The following UBXN2B variants were observed in gnomAD, a reference collection of about 807,000 sequenced individuals.
UBXN2B encodes the protein UBX domain protein 2B, also known as UBX domain-containing protein 2B.
In UBXN2B, 19 loss-of-function variants were observed where a neutral mutation model predicts 37.5. That is an observed-to-expected ratio of 0.51 (90% confidence interval 0.35 to 0.74). UBXN2B has a LOEUF of 0.74. Ranked by LOEUF, UBXN2B falls within the 30% of genes least tolerant of loss-of-function variation. The pLI, the probability that UBXN2B is intolerant of heterozygous loss-of-function variation, is 0.01. For missense variants in UBXN2B, 370 were observed against 393.2 expected (o/e 0.94, Z 0.50); for synonymous variants, 145 against 143.8 (o/e 1.01, Z -0.06).
intron 6 of UBXN2B, 21 bp from the exon 7 acceptor site, chr8:58,445,886 T>C: frequency 6.4e-7 from 1 of 1,564,298 alleles, no homozygotes; most frequent in Non-Finnish European, 8.6e-7. Flanking sequence ...TTCAGATTTG[T>C]GTTTAATTCC....
intron 2 of UBXN2B, among the ~76,000 whole-genome samples, chr8:58,420,723 A>G (rs1807904201): frequency 1.3e-5 from 2 of 152,346 alleles, no homozygotes; most frequent in Admixed American, 6.5e-5. Flanking sequence ...TTAGTTTGAT[A>G]TACAGCAAAG....
At chr8:58,411,845 T>C (rs1290628018) in intron 1 of UBXN2B, among the ~76,000 whole-genome samples, 1 of 152,226 alleles carries the variant, frequency 6.6e-6, no homozygotes, top group Non-Finnish European at 1.5e-5. Context: ...TGAACAGTAA[T>C]GATACGTGAT....
At chr8:58,429,354 A>G (rs1031024174) in intron 2 of UBXN2B, among the ~76,000 whole-genome samples, 4 of 152,182 alleles carry the variant, frequency 2.6e-5, no homozygotes, top group African/African-American at 7.2e-5. Context: ...TTAAAAGCCA[A>G]CTAGGGCAGT....
intron 1 of UBXN2B, among the ~76,000 whole-genome samples, 177 bp downstream of exon 1, chr8:58,411,646 A>G (rs926171413): frequency 6.6e-6 from 1 of 152,216 alleles, no homozygotes; most frequent in African/African-American, 2.4e-5. Flanking sequence ...GGTGGTCGTG[A>G]ACACAAGTGC....
intron 2 of UBXN2B, among the ~76,000 whole-genome samples, chr8:58,424,063 G>C (rs1192171217): frequency 6.6e-6 from 1 of 151,832 alleles, no homozygotes; most frequent in South Asian, 2.1e-4. Flanking sequence ...ATTCTCATTT[G>C]GCCAAAAATA....
chr8:58,441,129 T>G (rs1808530122), intron 6 of UBXN2B, among the ~76,000 whole-genome samples: 1 of 151,688 alleles, frequency 6.6e-6, no homozygotes, highest in Non-Finnish European at 1.5e-5. Context: ...ACTGGGACTA[T>G]AGGCACTGCC....
At chr8:58,424,776 C>T (rs1045785069) in intron 2 of UBXN2B, 1 of 1,442,140 alleles carries the variant, frequency 6.9e-7, no homozygotes, top group African/African-American at 1.4e-5. Context: ...TGCTTTTCTG[C>T]TCTTCTTCAA....
At chr8:58,444,424 G>A (rs896963633) in intron 6 of UBXN2B, among the ~76,000 whole-genome samples, 6 of 152,202 alleles carry the variant, frequency 3.9e-5, no homozygotes, top group Admixed American at 2.0e-4. Context: ...AATAAGTGCA[G>A]AGTTGGGATT....
chr8:58,434,369 A>ATATT lies in UBXN2B; in HGVS notation c.424-25_424-24insATTT, dbSNP rs1554552288. The ATATT allele has an allele frequency of 3.9e-5, 12 of 307,046 alleles. No individual in the cohort carries two copies. The Middle Eastern group carries it at 4.8e-3, about 122-fold the overall frequency. The allele number at this position is 307,046 out of a possible 1,614,324, so 19.0% of individuals were successfully genotyped here. A position where few individuals can be genotyped will look rare whatever the true frequency, so the allele number is the denominator to read the frequency against. ...TGTGAATATATATATATATATATAT[A>ATATT]TTTTTTTTTTTTCTATACCCAAAAG... On this transcript the variant is annotated intron_variant, in intron 4 of 7. Coordinates refer to ENST00000399598, the MANE Select transcript of UBXN2B (RefSeq NM_001077619.2).
At chr8:58,416,339 CTTGTTTGTTCAGAAACTCAT>C (rs1339353784) in intron 1 of UBXN2B, among the ~76,000 whole-genome samples, 2 of 151,844 alleles carry the variant, frequency 1.3e-5, no homozygotes, top group African/African-American at 4.8e-5. Flanking sequence ...AATTTATGGT[CTTGTTTGTTCAGAAACTCAT>C]TTTCCTAAAC....
intron 5 of UBXN2B, 59 bp downstream of exon 5, chr8:58,434,563 G>T: frequency 8.1e-7 from 1 of 1,241,228 alleles, no homozygotes; most frequent in South Asian, 1.7e-5. Flanking sequence ...TTTCTTAACA[G>T]ACTACTCATT....
chr8:58,425,412 A>G, intron 2 of UBXN2B: 7 of 1,138,168 alleles, frequency 6.2e-6, no homozygotes, highest in Non-Finnish European at 9.4e-6. Context: ...TGGGCTTTGA[A>G]TTGTTACACT....
intron 1 of UBXN2B, among the ~76,000 whole-genome samples, chr8:58,413,888 A>G (rs1446497503): frequency 2.0e-5 from 3 of 152,224 alleles, no homozygotes; most frequent in Non-Finnish European, 2.9e-5. Context: ...AAACCTCACC[A>G]GTGTTCAATA....
rs1404347603 is a variant in UBXN2B at position 58,447,467 on chromosome 8, T to G, written c.912T>G (p.Phe304Leu). 2 of 1,613,564 alleles carry G rather than the reference T, an allele frequency of 1.2e-6. No homozygotes were observed. Among genetic ancestry groups the G allele is most frequent in the South Asian group, 2.2e-5 (2 of 91,016 alleles). The part of the protein sequence containing the change: ...AALDFILVTS[F>L]PNKELTDESL... ...TTGACTTTATTCTTGTGACTTCATT[T>G]CCGAATAAAGAGCTAACAGATGAAA... is the stretch of plus-strand genomic sequence containing the variant. The change falls in exon 8 of 8, where the codon TTT (phenylalanine) becomes TTG (leucine). Residue 304 changes from phenylalanine to leucine, a missense_variant. Phe to Leu is a conservative substitution (Grantham distance 22). This residue lies in a region of UBXN2B where 83 missense variants were observed against 83.5 expected (regional missense o/e 0.99). Transcript: ENST00000399598.
At chr8:58,419,913 T>G (rs1313777804) in intron 2 of UBXN2B, among the ~76,000 whole-genome samples, 1 of 152,252 alleles carries the variant, frequency 6.6e-6, no homozygotes, top group Non-Finnish European at 1.5e-5. Flanking sequence ...GGAGTAATGC[T>G]TTGCTGTTAC....
intron 2 of UBXN2B, among the ~76,000 whole-genome samples, chr8:58,421,677 C>T (rs1207204730): frequency 6.6e-6 from 1 of 152,124 alleles, no homozygotes; most frequent in Non-Finnish European, 1.5e-5. Context: ...AAACCTGCAC[C>T]TCAAGCTTTC....
At chr8:58,430,175 T>C (rs554215323) in intron 2 of UBXN2B, among the ~76,000 whole-genome samples, 2 of 152,324 alleles carry the variant, frequency 1.3e-5, no homozygotes, top group South Asian at 2.1e-4. Flanking sequence ...CTTTTGACTG[T>C]TGACACTGCT....
At chr8:58,438,076 A>C (rs968852828) in intron 5 of UBXN2B, among the ~76,000 whole-genome samples, 20 of 151,824 alleles carry the variant, frequency 1.3e-4, no homozygotes, top group South Asian at 2.1e-4. Context: ...CAGCTGCTGC[A>C]TCTCCAGCCG....
intron 6 of UBXN2B, among the ~76,000 whole-genome samples, chr8:58,441,194 A>G (rs1808532423): frequency 6.6e-6 from 1 of 151,368 alleles, no homozygotes; most frequent in Admixed American, 6.6e-5. Flanking sequence ...GTGTCTTACT[A>G]TGTTGCCCAG....
Sources: gnomAD v4.1 joint callset for allele counts (sites outside exome capture counted in the v4.1 genomes callset) on GRCh38, gnomAD v4.1.1 for gene constraint, gnomAD v4.1.1 regional missense constraint, MANE v1.5 for transcripts, NCBI Gene and HGNC (gene_info 2026-07-23, HGNC 2026-07-21) for gene names.